The following PATJ variants were observed in gnomAD, a reference collection of about 807,000 sequenced individuals.
PATJ encodes PATJ crumbs cell polarity complex component, also known as inaD-like protein.
PATJ carries 190 observed loss-of-function variants against 224.9 expected under a neutral mutation model. The observed-to-expected ratio is 0.84, with a 90% CI of 0.75 to 0.95. The LOEUF (loss-of-function observed/expected upper bound fraction) is 0.95, where lower values mean the gene tolerates loss of function less well. PATJ is among the 40% of genes least tolerant of loss of function. The pLI is 0.00. For missense variants in PATJ, 2,121 were observed against 2,270.3 expected (o/e 0.93, Z 1.34); for synonymous variants, 769 against 820.3 (o/e 0.94, Z 1.07).
intron 17 of PATJ, among the ~76,000 whole-genome samples, chr1:61,852,946 A>T (rs1420953910): frequency 6.6e-6 from 1 of 152,208 alleles, no homozygotes; most frequent in Non-Finnish European, 1.5e-5. Context: ...ATCATAAAAA[A>T]TGAAGCAGTG....
At chr1:62,006,316 A>G (rs921004005) in intron 28 of PATJ, among the ~76,000 whole-genome samples, 1 of 152,038 alleles carries the variant, frequency 6.6e-6, no homozygotes, top group Non-Finnish European at 1.5e-5. Context: ...GGGTTTCACC[A>G]TGTTCCCCAG....
At chr1:61,743,207 G>A (rs1207246984) in intron 1 of PATJ, among the ~76,000 whole-genome samples, 1 of 152,226 alleles carries the variant, frequency 6.6e-6, no homozygotes, top group Non-Finnish European at 1.5e-5. Flanking sequence ...TAGATGGGGA[G>A]GTTCTGTCGG....
chr1:61,901,667 A>G, intron 24 of PATJ, among the ~76,000 whole-genome samples: 1 of 152,164 alleles, frequency 6.6e-6, no homozygotes, highest in Non-Finnish European at 1.5e-5. Context: ...AAAATGATAA[A>G]AACTTCAGCT....
intron 22 of PATJ, among the ~76,000 whole-genome samples, chr1:61,893,745 A>G (rs1231114946): frequency 6.6e-6 from 1 of 151,712 alleles, no homozygotes; most frequent in African/African-American, 2.4e-5. Flanking sequence ...AGCCTGGGTA[A>G]CAGAGTGGAA....
chr1:61,871,523 A>ATG (rs1666570425), intron 20 of PATJ, among the ~76,000 whole-genome samples: 2 of 122,564 alleles, frequency 1.6e-5, no homozygotes, highest in African/African-American at 6.1e-5. Flanking sequence ...ATATATATAA[A>ATG]TATGTGTGTG....
At chr1:62,079,633 C>A (rs1322585589) in intron 32 of PATJ, 66 bp downstream of exon 32, 1 of 1,014,508 alleles carries the variant, frequency 9.9e-7, no homozygotes, top group Non-Finnish European at 1.5e-6. Context: ...ATCATAATGT[C>A]CTAAAACGAG....
intron 28 of PATJ, among the ~76,000 whole-genome samples, chr1:62,002,388 C>T (rs72677913): frequency 0.026 from 3,989 of 152,164 alleles, 123 homozygotes; most frequent in Non-Finnish European, 0.035. Context: ...AGGACTGATT[C>T]ACTAACAAGA....
chr1:61,869,099 T>C (rs1053380646), intron 20 of PATJ, among the ~76,000 whole-genome samples: 2 of 56,104 alleles, frequency 3.6e-5, no homozygotes, highest in Non-Finnish European at 7.7e-5. Context: ...GAAATAACAT[T>C]TTTTTTTTTT....
At chr1:62,148,109 A>C (rs1668238584) in intron 41 of PATJ, among the ~76,000 whole-genome samples, 175 bp from the exon 42 acceptor site, 1 of 55,840 alleles carries the variant, frequency 1.8e-5, no homozygotes, top group Non-Finnish European at 3.6e-5. Context: ...CAACAGAGTG[A>C]GACACTGTCT....
chr1:62,094,453 C>A (rs1661148112), intron 33 of PATJ, among the ~76,000 whole-genome samples: 1 of 151,638 alleles, frequency 6.6e-6, no homozygotes, highest in African/African-American at 2.4e-5. Context: ...CTCTGTTGCT[C>A]AGGCTGGTCT....
At chr1:61,918,600 C>T (rs1410462492) in intron 26 of PATJ, among the ~76,000 whole-genome samples, 1 of 152,074 alleles carries the variant, frequency 6.6e-6, no homozygotes, top group African/African-American at 2.4e-5. Flanking sequence ...CCTGAGCCAC[C>T]GTGCCCAGCC....
rs958959633 is a variant in PATJ at position 62,018,906 on chromosome 1, C to A, written c.3959+959C>A. On this transcript the variant is annotated intron_variant, in intron 29 of 43. Coordinates refer to ENST00000642238, the MANE Select transcript of PATJ (RefSeq NM_001350145.3). This position sits in a 1 kb window ranked among gnomAD's most constrained non-coding sequence, Gnocchi z 4.2. ...GTTTTATTCCCAGCTTGGGCACTAA[C>A]GTGATTGAAATATCCCTTCCCACTT... 6.6e-6 allele frequency among the ~76,000 whole-genome samples: 1 copy of A among 152,122 alleles called. No individual in the cohort carries two copies. The highest frequency in any genetic ancestry group is 1.5e-5 in the Non-Finnish European group (1 of 68,020).
intron 14 of PATJ, among the ~76,000 whole-genome samples, chr1:61,809,865 GCA>G (rs1654346514): frequency 1.8e-5 from 1 of 55,318 alleles, no homozygotes; most frequent in Non-Finnish European, 4.3e-5. Context: ...TTTTTTTTTT[GCA>G]CAGAGTCTTG....
chr1:62,046,232 G>A (rs918001181), intron 30 of PATJ, among the ~76,000 whole-genome samples: 4 of 138,212 alleles, frequency 2.9e-5, no homozygotes, highest in South Asian at 2.6e-4. Context: ...AGGAAAGGAA[G>A]GAAGGGAGGG....
chr1:62,036,739 G>A (rs1254018407), intron 29 of PATJ, among the ~76,000 whole-genome samples: 1 of 151,768 alleles, frequency 6.6e-6, no homozygotes, highest in Non-Finnish European at 1.5e-5. Flanking sequence ...AGGTGTGGTG[G>A]CACATGCCTG....
chr1:62,023,034 A>T (rs1647176639), intron 29 of PATJ, among the ~76,000 whole-genome samples: 1 of 152,176 alleles, frequency 6.6e-6, no homozygotes, highest in Non-Finnish European at 1.5e-5. Context: ...TCACACCTAT[A>T]ATCCCAGCAC....
chr1:62,039,451 A>C (rs950038335), intron 30 of PATJ, among the ~76,000 whole-genome samples: 1 of 152,208 alleles, frequency 6.6e-6, no homozygotes, highest in African/African-American at 2.4e-5. Context: ...TCTAGGTGTG[A>C]ATAAAACTAA....
intron 13 of PATJ, 45 bp from the exon 14 acceptor site, chr1:61,808,427 TAC>T (rs1291088819): frequency 3.5e-6 from 4 of 1,132,442 alleles, no homozygotes; most frequent in South Asian, 1.3e-5. Context: ...TAGGAGGAAA[TAC>T]AGTTATGCTT....
At chr1:61,881,738 G>C (rs975849156) in intron 21 of PATJ, among the ~76,000 whole-genome samples, 1 of 152,040 alleles carries the variant, frequency 6.6e-6, no homozygotes, top group Non-Finnish European at 1.5e-5. Flanking sequence ...CATTTACCTT[G>C]TTTGATTAAG....
Sources: gnomAD v4.1 joint callset for allele counts (sites outside exome capture counted in the v4.1 genomes callset) on GRCh38, gnomAD v4.1.1 for gene constraint, Gnocchi (gnomAD v3.1) non-coding constraint, MANE v1.5 for transcripts, NCBI Gene and HGNC (gene_info 2026-07-23, HGNC 2026-07-21) for gene names.